TRIOBP: variants seen among roughly 807,000 people sequenced by gnomAD.
TRIOBP encodes the protein TRIO and F-actin binding protein, also known as TRIO and F-actin-binding protein.
In TRIOBP, 169 loss-of-function variants were observed where a neutral mutation model predicts 238.8. The ratio of observed to expected loss-of-function variants is 0.71; its 90% confidence interval spans 0.62 to 0.80. The LOEUF (loss-of-function observed/expected upper bound fraction) is 0.80. Among genes scored for constraint, TRIOBP ranks in the 30% least tolerant of loss-of-function variants. TRIOBP has a pLI of 0.00. For missense variants in TRIOBP, 2,838 were observed against 3,122.6 expected (o/e 0.91, Z 2.17); for synonymous variants, 1,150 against 1,274.4 (o/e 0.90, Z 2.08).
intron 22 of TRIOBP, chr22:37,772,027 GGGA>G: frequency 2.2e-6 from 1 of 464,398 alleles, no homozygotes. Flanking sequence ...GCTAGGTGCT[GGGA>G]AGACAGATGT....
chr22:37,725,920 G>T lies in TRIOBP; in HGVS notation c.3364G>T (p.Ala1122Ser). 6.2e-7 allele frequency: 1 copy of T among 1,613,446 alleles called. No individual in the cohort carries two copies. The highest frequency in any genetic ancestry group is 2.2e-5 in the East Asian group (1 of 44,822). Reference protein sequence around the residue: ...VCIGYRDAPRASSPPRQAPEP... With the variant: ...VCIGYRDAPRSSSPPRQAPEP... Reference sequence around the variant, plus strand: ...TATTGGGTACCGAGATGCACCCCGGGCCTCCTCCCCACCACGCCAGGCCCC... The same window carrying T: ...TATTGGGTACCGAGATGCACCCCGGTCCTCCTCCCCACCACGCCAGGCCCC... Residue 1122 changes from alanine (A) to serine (S), a missense_variant, in exon 7 of 24, where the codon GCC (alanine) becomes TCC (serine). This residue lies in a region of TRIOBP where 2,096 missense variants were observed against 2,137.4 expected (regional missense o/e 0.98). Transcript: ENST00000644935.
At position 37,772,650 on chromosome 22, in the gene TRIOBP, G is replaced by T. The variant is rs876657597; in HGVS notation, c.6986G>T (p.Ser2329Ile). The change falls in exon 23 of 24, where the codon AGC (serine) becomes ATC (isoleucine). Residue 2329 changes from serine to isoleucine, a missense_variant. Ser to Ile is a moderately radical substitution (Grantham distance 142). Transcript: ENST00000644935. ...TACCAGGACGTCTATGTGGAGCTGA[G>T]CCACATCAAGACACGGTCTGAGCGG... is the stretch of plus-strand genomic sequence containing the variant. ...GKYQDVYVEL[S>I]HIKTRSEREI... The T allele has an allele frequency of 1.2e-6, 2 of 1,614,162 alleles. No homozygotes were observed. Among genetic ancestry groups the T allele is most frequent in the Non-Finnish European group, 1.7e-6 (2 of 1,180,032 alleles).
At chr22:37,751,157 C>T (rs1925575478) in intron 11 of TRIOBP, 1 of 424,050 alleles carries the variant, frequency 2.4e-6, no homozygotes, top group Admixed American at 2.9e-5. Flanking sequence ...CAGCTGGTAG[C>T]CCCCAGACCC....
At chr22:37,746,231 A>AAAC in intron 11 of TRIOBP, 1 of 1,089,886 alleles carries the variant, frequency 9.2e-7, no homozygotes, top group Non-Finnish European at 1.1e-6. Flanking sequence ...AAAAAAAAAA[A>AAAC]AGTTTTATGG....
chr22:37,750,901 C>G (rs752971969), intron 11 of TRIOBP: 3 of 383,686 alleles, frequency 7.8e-6, no homozygotes, highest in Non-Finnish European at 1.6e-5. Flanking sequence ...GGTGAGGCCT[C>G]GATGTAGGGG....
intron 6 of TRIOBP, 70 bp downstream of exon 6, chr22:37,716,004 C>T (rs1421395457): frequency 1.9e-6 from 3 of 1,565,262 alleles, no homozygotes; most frequent in Admixed American, 3.5e-5. Flanking sequence ...TCTCACTGGC[C>T]ATTTGGGACT....
intron 11 of TRIOBP, among the ~76,000 whole-genome samples, chr22:37,743,354 A>G (rs1214749543): frequency 6.6e-6 from 1 of 152,192 alleles, no homozygotes; most frequent in Non-Finnish European, 1.5e-5. Flanking sequence ...TATTCTCAGT[A>G]GAGTAACGGT....
chr22:37,725,037 T>A lies in TRIOBP; in HGVS notation c.2481T>A (p.Ser827=), dbSNP rs766010153. The A allele has an allele frequency of 3.1e-6, 5 of 1,613,874 alleles. No individual in the cohort carries two copies. The highest frequency in any genetic ancestry group is 2.7e-5 in the African/African-American group (2 of 74,866). ...TTCAACAGAACATCCCCAGATCATC[T>A]TCTACCCAACAAGACAACCCTAAAA... The part of the protein sequence containing the change: ...TCIQQNIPRS[S]STQQDNPKTS... Residue 827 remains serine (S), a synonymous_variant, in exon 7 of 24, where the codon TCT becomes TCA. Coordinates refer to ENST00000644935, the MANE Select transcript of TRIOBP (RefSeq NM_001039141.3).
chr22:37,708,290 C>T (rs969787539), intron 3 of TRIOBP, among the ~76,000 whole-genome samples: 2 of 150,618 alleles, frequency 1.3e-5, no homozygotes, highest in African/African-American at 4.9e-5. Context: ...CACAGTGGCT[C>T]ATGCCTGTGA....
chr22:37,738,472 G>T (rs1363545200), intron 9 of TRIOBP, among the ~76,000 whole-genome samples, 170 bp from the exon 10 acceptor site: 1 of 152,140 alleles, frequency 6.6e-6, no homozygotes, highest in African/African-American at 2.4e-5. Context: ...ACATGAGAGG[G>T]TGAGTCATGT....
intron 11 of TRIOBP, among the ~76,000 whole-genome samples, chr22:37,741,430 A>C (rs1370905362): frequency 6.6e-6 from 1 of 152,176 alleles, no homozygotes; most frequent in African/African-American, 2.4e-5. Context: ...AGTTTCACAA[A>C]CATCTGGCGT....
At position 37,765,836 on chromosome 22, in the gene TRIOBP, G is replaced by GC. The variant is rs1926467946; in HGVS notation, c.6472+20dup. On this transcript the variant is annotated intron_variant, in intron 18 of 23. Transcript: ENST00000644935. ...GCCTCAGGTATGGACCCTGGGGGGG[G>GC]CACAGTGGGCTGGGCTCTGAGCCTC... 1.3e-6 allele frequency: 2 copies of GC among 1,584,330 alleles called. No homozygotes were observed. Among genetic ancestry groups the GC allele is most frequent in the East Asian group, 2.3e-5 (1 of 43,956 alleles).
intron 17 of TRIOBP, 69 bp downstream of exon 17, chr22:37,759,333 C>A: frequency 6.6e-7 from 1 of 1,519,480 alleles, no homozygotes; most frequent in South Asian, 1.1e-5. Flanking sequence ...CAGGAAACAG[C>A]TGAGATTTTG....
chr22:37,718,843 G>GTTTT (rs71195044), intron 6 of TRIOBP, among the ~76,000 whole-genome samples: 14 of 103,346 alleles, frequency 1.4e-4, no homozygotes, highest in Non-Finnish European at 2.0e-4. Context: ...ACTGGGGCTT[G>GTTTT]TTTTTTTTTT....
At position 37,723,243 on chromosome 22, in the gene TRIOBP, C is replaced by T. The variant is rs377551122; in HGVS notation, c.687C>T (p.Ser229=). 27 of 1,613,876 alleles carry T rather than the reference C, an allele frequency of 1.7e-5. No homozygotes were observed. The highest frequency in any genetic ancestry group is 2.7e-5 in the African/African-American group (2 of 74,890). The stretch of plus-strand genomic sequence containing the variant: ...ACTGGGCAAGGCTCCGGGGAGAAAG[C>T]GGGTTGTCCCTGGAGCGGCACCGGT... ...GQHWARLRGE[S]GLSLERHRST... The change falls in exon 7 of 24, where the codon AGC becomes AGT. Residue 229 remains serine, a synonymous_variant. Transcript: ENST00000644935.
At chr22:37,734,377 T>TC (rs1924557375) in intron 8 of TRIOBP, 22 bp from the exon 9 acceptor site, 6 of 1,608,014 alleles carry the variant, frequency 3.7e-6, no homozygotes, top group Non-Finnish European at 4.3e-6. Context: ...GAGCCTCACC[T>TC]ACCCCCTCAC....
intron 15 of TRIOBP, 124 bp from the exon 16 acceptor site, chr22:37,757,489 C>G (rs930920620): frequency 7.3e-7 from 1 of 1,365,998 alleles, no homozygotes; most frequent in Non-Finnish European, 1.0e-6. Context: ...CGGGCTGCTT[C>G]CTTCCCTGGG....
chr22:37,772,883 T>C, intron 23 of TRIOBP, 119 bp downstream of exon 23: 2 of 1,279,380 alleles, frequency 1.6e-6, no homozygotes, highest in South Asian at 1.4e-5. Context: ...ATTCCCGTTC[T>C]GTAAAAAGGA....
chr22:37,701,226 A>AAACTGGGGC, intron 2 of TRIOBP, 80 bp from the exon 3 acceptor site: 2 of 697,280 alleles, frequency 2.9e-6, no homozygotes, highest in South Asian at 1.5e-5. Flanking sequence ...CCTTGTCTGG[A>AAACTGGGGC]AACTGGGGCA....
Sources: allele counts gnomAD v4.1 joint callset (sites outside exome capture counted in the v4.1 genomes callset), GRCh38; gene constraint gnomAD v4.1.1; regional missense constraint gnomAD v4.1.1; transcripts MANE v1.5; gene names NCBI Gene and HGNC (gene_info 2026-07-23, HGNC 2026-07-21).